The following CUL5 variants were observed in gnomAD, a reference collection of about 807,000 sequenced individuals.
CUL5 encodes the protein cullin 5.
CUL5 carries 26 observed loss-of-function variants against 108.8 expected under a neutral mutation model. The ratio of observed to expected loss-of-function variants is 0.24; its 90% CI spans 0.18 to 0.33. The LOEUF (loss-of-function observed/expected upper bound fraction) is 0.33, where lower values mean the gene tolerates loss of function less well. Ranked by LOEUF, CUL5 falls within the 10% of genes least tolerant of loss-of-function variation. CUL5 has a pLI of 1.00. For synonymous variants in CUL5, 334 were observed against 298.0 expected, an observed-to-expected ratio of 1.12 and a Z score of -1.25; for missense variants, 524 against 909.2, an observed-to-expected ratio of 0.58 and a Z score of 5.45.
chr11:108,086,219 C>T (rs1335988089), intron 11 of CUL5, among the ~76,000 whole-genome samples: 2 of 152,128 alleles, frequency 1.3e-5, no homozygotes, highest in Admixed American at 1.3e-4. Context: ...TTCCTAGGTA[C>T]ATCATAGTAA....
intron 18 of CUL5, among the ~76,000 whole-genome samples, chr11:108,100,892 A>G (rs1864644550): frequency 6.6e-6 from 1 of 152,040 alleles, no homozygotes; most frequent in African/African-American, 2.4e-5. Context: ...AGCCAGGTGT[A>G]GTGGTGCATG....
At chr11:108,092,298 G>T (rs1864381468) in intron 13 of CUL5, among the ~76,000 whole-genome samples, 1 of 152,144 alleles carries the variant, frequency 6.6e-6, no homozygotes, top group Non-Finnish European at 1.5e-5. Flanking sequence ...AAACTGTTGG[G>T]CAGTTCCTTA....
intron 7 of CUL5, among the ~76,000 whole-genome samples, chr11:108,059,902 A>T (rs1034069930): frequency 4.6e-5 from 7 of 151,892 alleles, no homozygotes; most frequent in African/African-American, 7.3e-5. Flanking sequence ...AAAAAAATTG[A>T]ATAATACCCT....
intron 11 of CUL5, among the ~76,000 whole-genome samples, chr11:108,080,617 A>G (rs992201858): frequency 6.6e-6 from 1 of 151,776 alleles, no homozygotes; most frequent in Admixed American, 6.6e-5. Context: ...GATGGTCTCA[A>G]TCTCTTGACC....
chr11:108,058,397 C>T (rs1375272376), intron 7 of CUL5, among the ~76,000 whole-genome samples: 2 of 150,610 alleles, frequency 1.3e-5, no homozygotes, highest in Non-Finnish European at 3.0e-5. Context: ...TACAGGTGCC[C>T]ACCACCACAC....
At chr11:108,098,624 T>G in intron 18 of CUL5, 95 bp downstream of exon 18, 1 of 1,080,638 alleles carries the variant, frequency 9.3e-7, no homozygotes, top group Non-Finnish European at 1.2e-6. Flanking sequence ...TTTAAAAGCA[T>G]GTAGGGGCTA....
At chr11:108,034,064 A>G (rs1862662549) in intron 2 of CUL5, among the ~76,000 whole-genome samples, 153 bp downstream of exon 2, 1 of 152,224 alleles carries the variant, frequency 6.6e-6, no homozygotes, top group South Asian at 2.1e-4. Context: ...TCTCCCAGGT[A>G]TGATGATTTG....
chr11:108,045,707 A>T (rs975466077), intron 2 of CUL5, among the ~76,000 whole-genome samples: 4 of 151,654 alleles, frequency 2.6e-5, no homozygotes, highest in Admixed American at 6.6e-5. Flanking sequence ...AACAAAATTT[A>T]AAAAAAAATT....
intron 7 of CUL5, among the ~76,000 whole-genome samples, chr11:108,064,709 C>CA (rs1011854502): frequency 1.3e-4 from 20 of 152,056 alleles, no homozygotes; most frequent in African/African-American, 4.6e-4. Context: ...TACTCTGTCT[C>CA]AAAAAACAAA....
chr11:108,012,716 C>T (rs889542806), intron 1 of CUL5, among the ~76,000 whole-genome samples: 1 of 152,076 alleles, frequency 6.6e-6, no homozygotes, highest in African/African-American at 2.4e-5. Flanking sequence ...CCTGCCTCAA[C>T]CTCCTGAGTA....
chr11:108,096,969 C>T (rs1251265630), intron 16 of CUL5, among the ~76,000 whole-genome samples: 2 of 152,082 alleles, frequency 1.3e-5, no homozygotes, highest in African/African-American at 4.8e-5. Context: ...TACTCATTAG[C>T]CCCCTGCTCA....
rs117412477 is a variant in CUL5 at position 108,066,872 on chromosome 11, T to A, written c.781-3224T>A. ...CATCTGTACATATGAACCATACACA[T>A]GTTTTTAGGTATATAGTTTATGGGT... On this transcript the variant is annotated intron_variant, in intron 7 of 18. Coordinates refer to ENST00000393094, the MANE Select transcript of CUL5 (RefSeq NM_003478.6). Among the ~76,000 whole-genome samples, 210 of 152,354 alleles carry A rather than the reference T, an allele frequency of 1.4e-3. 3 individuals are homozygous for A. In the East Asian group the frequency reaches 0.025, roughly 18 times the overall value.
rs1591300346 is a variant in CUL5, at chr11:108,052,515, G to A, written c.412-145G>A. ...AGACTCCAGCGATCCACCTGCCTCGGCCTCCCAAATTGTTGGGACTACAGG... is the reference window on the plus strand; with the variant it reads ...AGACTCCAGCGATCCACCTGCCTCGACCTCCCAAATTGTTGGGACTACAGG... On this transcript the variant is annotated intron_variant, in intron 4 of 18. Transcript: ENST00000393094. 9 of 628,658 alleles carry A rather than the reference G, an allele frequency of 1.4e-5. No individual in the cohort carries two copies. In the East Asian group the frequency reaches 2.6e-4, roughly 18 times the overall value. 38.9% of individuals were successfully genotyped at this position (628,658 alleles called of 1,614,324 possible).
intron 1 of CUL5, among the ~76,000 whole-genome samples, chr11:108,016,172 C>G (rs1263563341): frequency 6.6e-6 from 1 of 152,126 alleles, no homozygotes; most frequent in East Asian, 1.9e-4. Flanking sequence ...GCGTAGGCCT[C>G]CCAAAGTGCT....
chr11:108,010,726 C>T (rs1862039498), intron 1 of CUL5, among the ~76,000 whole-genome samples: 1 of 152,108 alleles, frequency 6.6e-6, no homozygotes, highest in South Asian at 2.1e-4. Context: ...AAAACTAATT[C>T]GGGGAATTGA....
Position 108,073,425 on chromosome 11 carries a change from A to G in CUL5, c.1041A>G (p.Leu347=), listed in dbSNP as rs775660861. The G allele has an allele frequency of 1.9e-6, 3 of 1,591,196 alleles. No individual in the cohort carries two copies. The highest frequency in any genetic ancestry group is 2.6e-6 in the Non-Finnish European group (3 of 1,166,490). ...SEKYVEQLLT[L]FNRFSKLVKE... ...AATACGTTGAGCAGTTACTTACACT[A>G]TTTAATAGATTTAGTAAACTCGTCA... The change falls in exon 10 of 19, where the codon CTA becomes CTG. Residue 347 remains leucine, a synonymous_variant. Coordinates refer to ENST00000393094, the MANE Select transcript of CUL5 (RefSeq NM_003478.6).
intron 11 of CUL5, among the ~76,000 whole-genome samples, chr11:108,081,662 G>T (rs1471112205): frequency 6.6e-6 from 1 of 152,144 alleles, no homozygotes; most frequent in Non-Finnish European, 1.5e-5. Context: ...TGAGGCAGGA[G>T]AATGGTGTGA....
chr11:108,100,308 C>T (rs886707086), intron 18 of CUL5, among the ~76,000 whole-genome samples: 1 of 151,914 alleles, frequency 6.6e-6, no homozygotes, highest in East Asian at 1.9e-4. Flanking sequence ...TTTGGGAGGC[C>T]GAGGTGGGCA....
Position 108,106,535 on chromosome 11 carries a change from TTTC to T in CUL5, c.*2154_*2156del, listed in dbSNP as rs1377860726. On this transcript the variant is annotated 3_prime_UTR_variant, in exon 19 of 19. Coordinates refer to ENST00000393094, the MANE Select transcript of CUL5 (RefSeq NM_003478.6). Reference sequence around the variant, plus strand: ...GCAGCAAATACTGTAAATGTACAGTTTTCTTTTTTTTTTTTTTTTGGTTATGTA... The same window carrying T: ...GCAGCAAATACTGTAAATGTACAGTTTTTTTTTTTTTTTTTTGGTTATGTA... 1 of 58,046 alleles carries T rather than the reference TTTC, an allele frequency of 1.7e-5. No individual in the cohort carries two copies. The highest frequency in any genetic ancestry group is 6.5e-5 in the African/African-American group (1 of 15,348). The allele number at this position is 58,046 out of a possible 1,614,324, so 3.6% of individuals were successfully genotyped here. A position where few individuals can be genotyped will look rare whatever the true frequency, so the allele number is the denominator to read the frequency against.
Sources: allele counts gnomAD v4.1 joint callset (sites outside exome capture counted in the v4.1 genomes callset), GRCh38; gene constraint gnomAD v4.1.1; transcripts MANE v1.5; gene names NCBI Gene and HGNC (gene_info 2026-07-23, HGNC 2026-07-21).